The following PRKACB variants were observed in gnomAD, a reference collection of about 807,000 sequenced individuals.
PRKACB encodes cAMP-dependent protein kinase catalytic subunit beta.
Under a neutral mutation model 51.4 loss-of-function variants are expected in PRKACB, and 16 were observed. The observed-to-expected ratio is 0.31, with a 90% CI of 0.21 to 0.47. The LOEUF is 0.47. Among genes scored for constraint, PRKACB ranks in the 20% least tolerant of loss-of-function variants. The probability of loss-of-function intolerance (pLI) is 1.00; values close to 1 mark genes in which losing one functional copy is unlikely to be tolerated. For missense variants in PRKACB, 309 were observed against 464.5 expected, an observed-to-expected ratio of 0.67 and a Z score of 3.08; for synonymous variants, 147 against 154.4, an observed-to-expected ratio of 0.95 and a Z score of 0.35.
chr1:84,106,038 T>A (rs940331397), intron 1 of PRKACB, among the ~76,000 whole-genome samples: 1 of 152,196 alleles, frequency 6.6e-6, no homozygotes, highest in African/African-American at 2.4e-5. Flanking sequence ...ATAGGTATTA[T>A]AAGTAATCTA....
At chr1:84,202,623 G>A (rs926691946) in intron 7 of PRKACB, 60 bp from the exon 8 acceptor site, 10 of 1,484,752 alleles carry the variant, frequency 6.7e-6, no homozygotes, top group South Asian at 2.7e-5. Context: ...AATTATCTTT[G>A]ACTTCATTCT....
At chr1:84,192,336 G>A (rs2101119469) in intron 5 of PRKACB, among the ~76,000 whole-genome samples, 2 of 152,168 alleles carry the variant, frequency 1.3e-5, no homozygotes. Flanking sequence ...ATTCTAATTA[G>A]GTCTGTACAA....
At chr1:84,164,219 G>C (rs1335130051) in intron 1 of PRKACB, 2 of 1,379,108 alleles carry the variant, frequency 1.5e-6, no homozygotes, top group African/African-American at 1.5e-5. Context: ...CATTTGTGCT[G>C]CAGTATAGCT....
chr1:84,211,812 A>T (rs1020437866), intron 8 of PRKACB, among the ~76,000 whole-genome samples: 2 of 152,182 alleles, frequency 1.3e-5, no homozygotes, highest in African/African-American at 4.8e-5. Flanking sequence ...GCCAGTACAG[A>T]AAGTGTTTAG....
At chr1:84,094,941 A>G (rs926802455) in intron 1 of PRKACB, among the ~76,000 whole-genome samples, 3 of 151,950 alleles carry the variant, frequency 2.0e-5, no homozygotes, top group East Asian at 1.9e-4. Flanking sequence ...TGTACTTTTT[A>G]TATGTTTAGA....
intron 7 of PRKACB, among the ~76,000 whole-genome samples, chr1:84,201,886 T>C (rs1465654380): frequency 6.6e-6 from 1 of 152,140 alleles, no homozygotes; most frequent in African/African-American, 2.4e-5. Flanking sequence ...TATTTTCTTA[T>C]GAATACTTAC....
chr1:84,080,941 A>T (rs1325706039), intron 1 of PRKACB, among the ~76,000 whole-genome samples: 1 of 152,182 alleles, frequency 6.6e-6, no homozygotes, highest in African/African-American at 2.4e-5. Context: ...ATTAAAGACT[A>T]TAAGTAAAAG....
rs755321726 is a variant in PRKACB, at chr1:84,197,858, A to T, written c.783+34A>T. 7 of 1,433,506 alleles carry T rather than the reference A, an allele frequency of 4.9e-6. No homozygotes were observed. The Admixed American group carries it at 1.2e-4, about 25-fold the overall frequency. The allele number at this position is 1,433,506 out of a possible 1,614,324, so 88.8% of individuals were successfully genotyped here. A position where few individuals can be genotyped will look rare whatever the true frequency, so the allele number is the denominator to read the frequency against. On this transcript the variant is annotated intron_variant, in intron 7 of 9. Coordinates refer to ENST00000370685, the MANE Select transcript of PRKACB (RefSeq NM_182948.4). Reference sequence around the variant, plus strand: ...ATAATATCAACACATAAGAAGTAGAAATATGAGACATGCATCCCTATGGAC... The same window carrying T: ...ATAATATCAACACATAAGAAGTAGATATATGAGACATGCATCCCTATGGAC...
intron 5 of PRKACB, among the ~76,000 whole-genome samples, chr1:84,188,337 G>A (rs1242527856): frequency 6.6e-6 from 1 of 151,210 alleles, no homozygotes; most frequent in Non-Finnish European, 1.5e-5. Context: ...TTTTATTAGG[G>A]TTCTGGAAAT....
chr1:84,155,256 A>G (rs1354903198), intron 1 of PRKACB, among the ~76,000 whole-genome samples: 3 of 152,168 alleles, frequency 2.0e-5, no homozygotes, highest in Non-Finnish European at 4.4e-5. Context: ...GAAAAAAGAA[A>G]TCAAGAAAGC....
At chr1:84,235,044 A>G in intron 9 of PRKACB, 136 bp from the exon 10 acceptor site, 8 of 889,604 alleles carry the variant, frequency 9.0e-6, no homozygotes, top group South Asian at 1.8e-5. Context: ...TTCTAGCACT[A>G]TTATATTTTA....
intron 1 of PRKACB, among the ~76,000 whole-genome samples, chr1:84,147,061 C>T (rs183509113): frequency 2.6e-4 from 39 of 152,064 alleles, no homozygotes; most frequent in African/African-American, 8.9e-4. Context: ...TTTTAATCTT[C>T]CTTTGATCAT....
intron 9 of PRKACB, among the ~76,000 whole-genome samples, chr1:84,231,620 A>T (rs1358315365): frequency 1.3e-5 from 2 of 152,148 alleles, no homozygotes; most frequent in African/African-American, 4.8e-5. Flanking sequence ...GTCTATTCAG[A>T]GATTCAACTT....
upstream of PRKACB, among the ~76,000 whole-genome samples, chr1:84,143,366 C>T (rs1653629255): frequency 6.6e-6 from 1 of 152,022 alleles, no homozygotes; most frequent in Non-Finnish European, 1.5e-5. Flanking sequence ...GGGCGAGAAT[C>T]GCTTGAACCT....
intron 8 of PRKACB, among the ~76,000 whole-genome samples, chr1:84,211,279 A>G (rs1416273089): frequency 2.0e-5 from 3 of 152,186 alleles, no homozygotes; most frequent in African/African-American, 7.2e-5. Context: ...TATATGTAGT[A>G]CATTACTGTC....
upstream of PRKACB, among the ~76,000 whole-genome samples, chr1:84,143,853 A>C (rs1490626977): frequency 6.6e-6 from 1 of 151,532 alleles, no homozygotes. Context: ...TTTCATACCC[A>C]TTTCATACTA....
At chr1:84,176,962 A>G (rs1661505068) in intron 1 of PRKACB, among the ~76,000 whole-genome samples, 1 of 151,976 alleles carries the variant, frequency 6.6e-6, no homozygotes, top group Non-Finnish European at 1.5e-5. Context: ...TCAACTTACC[A>G]TCTTTGACAA....
intron 1 of PRKACB, among the ~76,000 whole-genome samples, chr1:84,094,012 A>T (rs1390449336): frequency 1.3e-5 from 2 of 151,900 alleles, no homozygotes; most frequent in Non-Finnish European, 2.9e-5. Flanking sequence ...ATACATTTAG[A>T]TTTTACATAT....
Position 84,238,025 on chromosome 1 carries a change from A to T in PRKACB, c.*2720A>T, listed in dbSNP as rs1676806439. The stretch of plus-strand genomic sequence containing the variant: ...TCAATAAGGCAATATATTTTAGGGC[A>T]TCTTTCTTCTTATCTCTGACAGTGT... On this transcript the variant is annotated 3_prime_UTR_variant, in exon 10 of 10. Coordinates refer to ENST00000370685, the MANE Select transcript of PRKACB (RefSeq NM_182948.4). 6.6e-6 allele frequency: 1 copy of T among 152,168 alleles called. No individual in the cohort carries two copies. Among genetic ancestry groups the T allele is most frequent in the African/African-American group, 2.4e-5 (1 of 41,460 alleles). 9.4% of individuals were successfully genotyped at this position (152,168 alleles called of 1,614,324 possible).
Sources: allele counts gnomAD v4.1 joint callset (sites outside exome capture counted in the v4.1 genomes callset), GRCh38; gene constraint gnomAD v4.1.1; transcripts MANE v1.5; gene names NCBI Gene and HGNC (gene_info 2026-07-23, HGNC 2026-07-21).